Variants in FAM110B observed in about 807,000 individuals in gnomAD.
The protein encoded by FAM110B is protein FAM110B.
A neutral mutation model predicts 20.4 loss-of-function variants in FAM110B; 6 were observed. The ratio of observed to expected loss-of-function variants is 0.29; its 90% CI spans 0.16 to 0.58. The LOEUF is 0.58. Among genes scored for constraint, FAM110B ranks in the 20% least tolerant of loss-of-function variants. The probability of loss-of-function intolerance (pLI) is 0.90; values close to 1 mark genes in which losing one functional copy is unlikely to be tolerated. For synonymous variants in FAM110B, 226 were observed against 214.1 expected (o/e 1.06, Z -0.49); for missense variants, 434 against 498.2 (o/e 0.87, Z 1.23).
chr8:58,037,226 A>G (rs1414180363), intron 2 of FAM110B, among the ~76,000 whole-genome samples: 1 of 152,084 alleles, frequency 6.6e-6, no homozygotes, highest in Non-Finnish European at 1.5e-5. Flanking sequence ...TCTTTTTAAA[A>G]ACAGTACTTT....
At chr8:58,008,606 T>G (rs181430846) in intron 1 of FAM110B, among the ~76,000 whole-genome samples, 1 of 152,370 alleles carries the variant, frequency 6.6e-6, no homozygotes, top group East Asian at 1.9e-4. Flanking sequence ...CAGAATCCTC[T>G]CTTCTAGCTA....
chr8:58,127,475 T>A (rs1807536972), intron 3 of FAM110B, among the ~76,000 whole-genome samples: 1 of 149,702 alleles, frequency 6.7e-6, no homozygotes, highest in South Asian at 2.1e-4. Context: ...CATTTTCATC[T>A]GGCCCACTTT....
chr8:58,004,985 A>C (rs1804371602), intron 1 of FAM110B, among the ~76,000 whole-genome samples: 1 of 152,132 alleles, frequency 6.6e-6, no homozygotes, highest in South Asian at 2.1e-4. Flanking sequence ...GTAGCAGTTT[A>C]AGTTTTCTTC....
intron 3 of FAM110B, among the ~76,000 whole-genome samples, chr8:58,126,191 T>C (rs1807499180): frequency 6.6e-6 from 1 of 152,152 alleles, no homozygotes. Flanking sequence ...CATGCAGCTG[T>C]TCCTCAGATA....
intron 2 of FAM110B, among the ~76,000 whole-genome samples, chr8:58,066,455 G>A (rs776150614): frequency 1.3e-5 from 2 of 152,170 alleles, no homozygotes; most frequent in Non-Finnish European, 2.9e-5. Context: ...GGCCTTTGGA[G>A]CAGCAGGAGT....
intron 3 of FAM110B, among the ~76,000 whole-genome samples, chr8:58,086,217 C>T (rs1261412173): frequency 6.6e-6 from 1 of 152,178 alleles, no homozygotes; most frequent in Non-Finnish European, 1.5e-5. Flanking sequence ...GAGAGCATCT[C>T]TCTTACTTTT....
intron 1 of FAM110B, among the ~76,000 whole-genome samples, chr8:57,998,897 A>G (rs895619329): frequency 6.6e-6 from 1 of 152,220 alleles, no homozygotes; most frequent in Non-Finnish European, 1.5e-5. Flanking sequence ...AACTTAAATC[A>G]TGCCTATGTC....
chr8:58,123,614 C>A (rs1382495126), intron 3 of FAM110B, among the ~76,000 whole-genome samples: 1 of 152,068 alleles, frequency 6.6e-6, no homozygotes, highest in Non-Finnish European at 1.5e-5. Context: ...ATCTAATATT[C>A]TGTGTATGAT....
At chr8:58,004,049 A>C (rs1563493927) in intron 1 of FAM110B, among the ~76,000 whole-genome samples, 1 of 146,990 alleles carries the variant, frequency 6.8e-6, no homozygotes, top group Non-Finnish European at 1.5e-5. Flanking sequence ...GGGGTGGGGG[A>C]GGGGGATGGT....
intron 2 of FAM110B, among the ~76,000 whole-genome samples, chr8:58,038,095 C>T (rs1805125777): frequency 1.3e-5 from 2 of 152,264 alleles, no homozygotes; most frequent in East Asian, 1.9e-4. Context: ...TCGAAAGATA[C>T]GACTGGGAGG....
intron 2 of FAM110B, among the ~76,000 whole-genome samples, chr8:58,074,178 G>A (rs1019283219): frequency 6.6e-6 from 1 of 152,178 alleles, no homozygotes; most frequent in Non-Finnish European, 1.5e-5. Flanking sequence ...TCCAGGACAG[G>A]AAACAATTCT....
intron 3 of FAM110B, among the ~76,000 whole-genome samples, chr8:58,120,072 C>G (rs1807318650): frequency 6.6e-6 from 1 of 152,152 alleles, no homozygotes; most frequent in African/African-American, 2.4e-5. Flanking sequence ...TCTGAGGACA[C>G]CTTCCTCAAG....
intron 3 of FAM110B, among the ~76,000 whole-genome samples, chr8:58,085,649 C>T (rs553115828): frequency 6.6e-6 from 1 of 152,160 alleles, no homozygotes; most frequent in Admixed American, 6.5e-5. Flanking sequence ...ATAAGGAATG[C>T]TGGAATACCT....
chr8:58,039,119 C>T (rs141228150), intron 2 of FAM110B, among the ~76,000 whole-genome samples: 84 of 152,336 alleles, frequency 5.5e-4, no homozygotes, highest in African/African-American at 1.8e-3. Flanking sequence ...GTCAGCCTGA[C>T]GGCATTTCTC....
chr8:58,142,026 G>A (rs1293531582), intron 3 of FAM110B, among the ~76,000 whole-genome samples: 2 of 152,194 alleles, frequency 1.3e-5, no homozygotes, highest in Non-Finnish European at 2.9e-5. Flanking sequence ...TGAGGGTCCT[G>A]TTCACCTGAC....
At chr8:58,074,448 C>T (rs974192608) in intron 2 of FAM110B, among the ~76,000 whole-genome samples, 4 of 152,170 alleles carry the variant, frequency 2.6e-5, no homozygotes, top group African/African-American at 9.7e-5. Flanking sequence ...ATGTGCTTCC[C>T]CAGAGAGCCC....
chr8:58,046,983 T>C (rs985307116), intron 2 of FAM110B, among the ~76,000 whole-genome samples: 3 of 152,166 alleles, frequency 2.0e-5, no homozygotes, highest in African/African-American at 7.2e-5. Flanking sequence ...ATATGGCAGA[T>C]TTCTAGAGCT....
intron 2 of FAM110B, among the ~76,000 whole-genome samples, chr8:58,074,423 C>T (rs188029775): frequency 1.3e-5 from 2 of 152,294 alleles, no homozygotes; most frequent in Middle Eastern, 3.4e-3. Context: ...ACTGCTGCTC[C>T]CCCTGCTGCC....
chr8:58,123,373 A>G (rs1285793659), intron 3 of FAM110B, among the ~76,000 whole-genome samples: 1 of 152,154 alleles, frequency 6.6e-6, no homozygotes, highest in African/African-American at 2.4e-5. Flanking sequence ...GACACTTCGA[A>G]TGATTGCCAC....
Sources: allele counts gnomAD v4.1 joint callset (sites outside exome capture counted in the v4.1 genomes callset), GRCh38; gene constraint gnomAD v4.1.1; transcripts MANE v1.5; gene names NCBI Gene and HGNC (gene_info 2026-07-23, HGNC 2026-07-21).